Variants in SRP72 observed in about 807,000 individuals in gnomAD.
SRP72 encodes the protein signal recognition particle 72.
In SRP72, 49 loss-of-function variants were observed where a neutral mutation model predicts 96.3. The observed-to-expected ratio is 0.51, with a 90% CI of 0.40 to 0.65. The LOEUF (loss-of-function observed/expected upper bound fraction) is 0.65. Among genes scored for constraint, SRP72 ranks in the 30% least tolerant of loss-of-function variants. SRP72 has a pLI of 0.00. For synonymous variants in SRP72, 267 were observed against 275.2 expected, an observed-to-expected ratio of 0.97 and a Z score of 0.30; for missense variants, 736 against 793.3, an observed-to-expected ratio of 0.93 and a Z score of 0.87.
At chr4:56,477,552 T>TA (rs759800015) in intron 6 of SRP72, among the ~76,000 whole-genome samples, 5 of 151,914 alleles carry the variant, frequency 3.3e-5, no homozygotes, top group Non-Finnish European at 7.4e-5. Flanking sequence ...CTCAGCCTCC[T>TA]AAAGCACTGA....
chr4:56,497,660 A>T (rs572795336), intron 17 of SRP72, among the ~76,000 whole-genome samples: 2 of 151,392 alleles, frequency 1.3e-5, no homozygotes, highest in East Asian at 1.9e-4. Context: ...ATCCATCTTT[A>T]AAAAAAAAGA....
intron 17 of SRP72, 40 bp downstream of exon 17, chr4:56,495,434 T>TA: frequency 7.4e-7 from 1 of 1,355,134 alleles, no homozygotes; most frequent in Non-Finnish European, 1.0e-6. Context: ...TTCTCCAAAA[T>TA]AAATGTTTGA....
chr4:56,474,308 A>G lies in SRP72; in HGVS notation c.527A>G (p.His176Arg), dbSNP rs775983847. ...PENLGLQEGT[H>R]ELCYNTACAL... ...AACCTGGGCCTCCAAGAAGGCACAC[A>G]TGAGCTGTGCTACAACACTGCATGT... The change falls in exon 5 of 19, where the codon CAT becomes CGT. Residue 176 changes from histidine (H) to arginine (R), a missense_variant. By Grantham distance (29) the His-to-Arg change is conservative (BLOSUM62 0). Transcript: ENST00000642900. 198 of 1,614,062 alleles carry G rather than the reference A, an allele frequency of 1.2e-4. No individual in the cohort carries two copies. The highest frequency in any genetic ancestry group is 1.6e-4 in the Non-Finnish European group (186 of 1,180,020).
At chr4:56,481,955 G>A (rs1256095291) in intron 8 of SRP72, among the ~76,000 whole-genome samples, 1 of 150,458 alleles carries the variant, frequency 6.6e-6, no homozygotes, top group African/African-American at 2.4e-5. Flanking sequence ...TAGAGATGGG[G>A]GTTTCACCAT....
chr4:56,472,178 C>CT, intron 3 of SRP72, among the ~76,000 whole-genome samples: 1 of 152,096 alleles, frequency 6.6e-6, no homozygotes, highest in Middle Eastern at 3.4e-3. Flanking sequence ...ATATTTTACT[C>CT]TAAGGATGTC....
chr4:56,500,167 G>A (rs1199295082), intron 17 of SRP72, among the ~76,000 whole-genome samples: 1 of 152,060 alleles, frequency 6.6e-6, no homozygotes, highest in African/African-American at 2.4e-5. Flanking sequence ...TGAACAATGA[G>A]AACACATGGA....
In SRP72 at chr4:56,467,660, G is replaced by C. The variant is rs571949209; in HGVS notation, c.25G>C (p.Val9Leu). The C allele has an allele frequency of 4.6e-5, 71 of 1,560,092 alleles. No individual in the cohort carries two copies. Among genetic ancestry groups the C allele is most frequent in the Non-Finnish European group, 5.8e-5 (67 of 1,154,834 alleles). The change falls in exon 1 of 19, where the codon GTG becomes CTG. Residue 9 changes from valine to leucine, a missense_variant. Coordinates refer to ENST00000642900, the MANE Select transcript of SRP72 (RefSeq NM_006947.4). ...GATGGCGAGCGGCGGCAGCGGGGGG[G>C]TGTCAGTACCTGCGCTGTGGAGTGA... is the stretch of plus-strand genomic sequence containing the variant. MASGGSGG[V>L]SVPALWSEVN...
At chr4:56,475,830 A>G (rs1720196133) in intron 5 of SRP72, 1 of 152,196 alleles carries the variant, frequency 6.6e-6, no homozygotes. Flanking sequence ...AAACTTGAGG[A>G]AATGATTAGA....
chr4:56,499,051 A>T (rs1393461195), intron 17 of SRP72, among the ~76,000 whole-genome samples: 1 of 152,220 alleles, frequency 6.6e-6, no homozygotes, highest in African/African-American at 2.4e-5. Context: ...ACAGAATGGT[A>T]CGGGTACCAA....
chr4:56,484,315 T>G (rs1720625491), intron 9 of SRP72, among the ~76,000 whole-genome samples: 2 of 152,100 alleles, frequency 1.3e-5, no homozygotes, highest in Non-Finnish European at 2.9e-5. Context: ...ATTACAGGCA[T>G]GAGCCACCAC....
In SRP72 at chr4:56,478,755, A is replaced by G. The variant is rs1426376617; in HGVS notation, c.825+106A>G. On this transcript the variant is annotated intron_variant, in intron 8 of 18. Transcript: ENST00000642900. ...CCTAAGTGTTCTTTTTAACATGATG[A>G]AAAAAGTCCAGTTGTAGCAAAATCA... The G allele has an allele frequency of 3.5e-6, 4 of 1,141,840 alleles. No individual in the cohort carries two copies. The Admixed American group carries it at 1.1e-4, about 31-fold the overall frequency. 70.7% of individuals were successfully genotyped at this position (1,141,840 alleles called of 1,614,324 possible).
intron 2 of SRP72, among the ~76,000 whole-genome samples, chr4:56,471,390 C>T (rs1407540284): frequency 6.6e-6 from 1 of 152,058 alleles, no homozygotes; most frequent in East Asian, 1.9e-4. Context: ...CTAAAACAAC[C>T]CATTTAACAT....
In SRP72 at chr4:56,502,490, T is replaced by TATATAC. The variant is rs1721299156; in HGVS notation, c.*635_*640dup. The TATATAC allele has an allele frequency of 2.0e-5, 2 of 99,342 alleles. No homozygotes were observed. Among genetic ancestry groups the TATATAC allele is most frequent in the Admixed American group, 2.2e-4 (2 of 8,994 alleles). The allele number at this position is 99,342 out of a possible 1,614,324, so 6.2% of individuals were successfully genotyped here. A position where few individuals can be genotyped will look rare whatever the true frequency, so the allele number is the denominator to read the frequency against. On this transcript the variant is annotated 3_prime_UTR_variant, in exon 19 of 19. Coordinates refer to ENST00000642900, the MANE Select transcript of SRP72 (RefSeq NM_006947.4). ...TTATATATATATATATATGTATATA[T>TATATAC]ATATACATATATATATATATATAAA...
rs1720575483 is a variant in SRP72 at position 56,483,364 on chromosome 4, G to T, written c.957+94G>T. The T allele has an allele frequency of 3.0e-6, 4 of 1,312,048 alleles. No homozygotes were observed. In the East Asian group the frequency reaches 7.7e-5, roughly 25 times the overall value. The allele number at this position is 1,312,048 out of a possible 1,614,324, so 81.3% of individuals were successfully genotyped here. A position where few individuals can be genotyped will look rare whatever the true frequency, so the allele number is the denominator to read the frequency against. Reference sequence around the variant, plus strand: ...TTAGTCTAATCTTTTTATAGTTTTTGTTTGTATTTTGTCTTCAACTCATAA... The same window carrying T: ...TTAGTCTAATCTTTTTATAGTTTTTTTTTGTATTTTGTCTTCAACTCATAA... On this transcript the variant is annotated intron_variant, in intron 9 of 18. Coordinates refer to ENST00000642900, the MANE Select transcript of SRP72 (RefSeq NM_006947.4).
chr4:56,478,154 C>CTT (rs796835545), intron 6 of SRP72, among the ~76,000 whole-genome samples: 18 of 115,782 alleles, frequency 1.6e-4, no homozygotes, highest in Non-Finnish European at 3.0e-4. Flanking sequence ...TTTGCCTTTT[C>CTT]TTTTTTTTTT....
intron 16 of SRP72, among the ~76,000 whole-genome samples, chr4:56,492,142 A>G (rs1261619018): frequency 6.6e-6 from 1 of 152,154 alleles, no homozygotes; most frequent in Non-Finnish European, 1.5e-5. Context: ...CAGAAGGAGG[A>G]TTGTATTGTA....
At chr4:56,471,906 A>G (rs1719994517) in intron 3 of SRP72, 63 bp downstream of exon 3, 2 of 1,594,798 alleles carry the variant, frequency 1.3e-6, no homozygotes, top group African/African-American at 2.7e-5. Context: ...ACCTCTAGCA[A>G]GGAGCAGGGT....
rs754988304 is a variant in SRP72 at position 56,469,668 on chromosome 4, A to G, written c.125A>G (p.Lys42Arg). ...KTVNKILQIN[K>R]DDVTALHCKV... is the part of the protein sequence containing the mutation. ...TGTTCTCTAGTACTACAGATCAACAAAGATGACGTAACTGCCCTGCATTGT... is the reference window on the plus strand; with the variant it reads ...TGTTCTCTAGTACTACAGATCAACAGAGATGACGTAACTGCCCTGCATTGT... The change falls in exon 2 of 19, where the codon AAA becomes AGA. Residue 42 changes from lysine (K) to arginine (R), a missense_variant. Lys to Arg is a conservative substitution (Grantham distance 26). Around this residue, in one of 3 missense-constraint regions of SRP72, gnomAD observed 329 missense variants for 319.0 expected, o/e 1.03. Transcript: ENST00000642900. 23 of 1,606,034 alleles carry G rather than the reference A, an allele frequency of 1.4e-5. No homozygotes were observed. The highest frequency in any genetic ancestry group is 1.9e-5 in the Non-Finnish European group (22 of 1,174,154).
intron 6 of SRP72, among the ~76,000 whole-genome samples, chr4:56,477,929 T>G (rs1720311888): frequency 6.6e-6 from 1 of 152,208 alleles, no homozygotes; most frequent in Non-Finnish European, 1.5e-5. Flanking sequence ...ATTTTCTAGT[T>G]TTTGAGGTAG....
Sources: gnomAD v4.1 joint callset for allele counts (sites outside exome capture counted in the v4.1 genomes callset) on GRCh38, gnomAD v4.1.1 for gene constraint, gnomAD v4.1.1 regional missense constraint, MANE v1.5 for transcripts, NCBI Gene and HGNC (gene_info 2026-07-23, HGNC 2026-07-21) for gene names.